The following PRDM5 variants were observed in gnomAD, a reference collection of about 807,000 sequenced individuals.
The protein encoded by PRDM5 is PR/SET domain 5, also known as PR domain zinc finger protein 5.
A neutral mutation model predicts 81.2 loss-of-function variants in PRDM5; 56 were observed. That is an observed-to-expected ratio of 0.69 (90% CI 0.56 to 0.86). The LOEUF is 0.86. Ranked by LOEUF, PRDM5 falls within the 40% of genes least tolerant of loss-of-function variation. The probability of loss-of-function intolerance (pLI) is 0.00; values close to 1 mark genes in which losing one functional copy is unlikely to be tolerated. For synonymous variants in PRDM5, 267 were observed against 256.4 expected (o/e 1.04, Z -0.39); for missense variants, 697 against 770.1 (o/e 0.91, Z 1.12).
intron 13 of PRDM5, among the ~76,000 whole-genome samples, chr4:120,773,187 A>G (rs1356301904): frequency 6.6e-6 from 1 of 152,202 alleles, no homozygotes. Flanking sequence ...TCATTTTTAT[A>G]TGAAACAAAA....
intron 15 of PRDM5, 89 bp downstream of exon 15, chr4:120,710,220 G>GACACAC (rs1553945560): frequency 2.0e-6 from 2 of 981,718 alleles, no homozygotes; most frequent in Non-Finnish European, 3.1e-6. Context: ...CACACACACA[G>GACACAC]ACACACACAC....
intron 12 of PRDM5, among the ~76,000 whole-genome samples, chr4:120,779,753 A>G (rs1748737498): frequency 6.6e-6 from 1 of 152,028 alleles, no homozygotes. Flanking sequence ...AATACAAAAA[A>G]TTAGCCAGGC....
chr4:120,809,337 A>G (rs1753501090), intron 8 of PRDM5, among the ~76,000 whole-genome samples: 1 of 152,260 alleles, frequency 6.6e-6, no homozygotes, highest in South Asian at 2.1e-4. Context: ...GCCCATGTAT[A>G]CCTATGTAAC....
intron 2 of PRDM5, among the ~76,000 whole-genome samples, chr4:120,885,144 A>AGT (rs1208658613): frequency 6.9e-6 from 1 of 145,326 alleles, no homozygotes; most frequent in African/African-American, 2.7e-5. Context: ...CAAAAAAAAA[A>AGT]AAAAAAAAAA....
At chr4:120,914,271 A>G (rs1410055998) in intron 1 of PRDM5, among the ~76,000 whole-genome samples, 6 of 152,022 alleles carry the variant, frequency 3.9e-5, no homozygotes, top group Non-Finnish European at 8.8e-5. Flanking sequence ...AAAGAAAGAG[A>G]TAAGAATCAA....
At chr4:120,701,421 G>A (rs1011824928) in intron 15 of PRDM5, among the ~76,000 whole-genome samples, 1 of 152,108 alleles carries the variant, frequency 6.6e-6, no homozygotes, top group South Asian at 2.1e-4. Flanking sequence ...CAGAGACATG[G>A]AATCAACCTA....
intron 10 of PRDM5, among the ~76,000 whole-genome samples, chr4:120,790,635 A>T (rs2149262871): frequency 6.6e-6 from 1 of 152,342 alleles, no homozygotes; most frequent in Non-Finnish European, 1.5e-5. Flanking sequence ...GTCCTATGAA[A>T]AAAATCACGT....
Position 120,811,405 on chromosome 4 carries a change from A to C in PRDM5, c.910T>G (p.Cys304Gly), listed in dbSNP as rs192586435. The stretch of plus-strand genomic sequence containing the variant: ...TCCTGTAGGCTTGATGCTGAAGAAC[A>C]CTTTTTATTGCACACTGAACATATA... ...KLICSVCNKK[C>G]SSASSLQEHR... The change falls in exon 8 of 16, where the codon TGT becomes GGT. Residue 304 changes from cysteine to glycine, a missense_variant. Around this residue, in one of 3 missense-constraint regions of PRDM5, gnomAD observed 577 missense variants for 606.7 expected, o/e 0.95. Coordinates refer to ENST00000264808, the MANE Select transcript of PRDM5 (RefSeq NM_018699.4). 1.1e-5 allele frequency: 18 copies of C among 1,602,974 alleles called. No homozygotes were observed. In the South Asian group the frequency reaches 2.0e-4, roughly 18 times the overall value.
At chr4:120,914,285 CA>C (rs372039697) in intron 1 of PRDM5, among the ~76,000 whole-genome samples, 3,725 of 148,420 alleles carry the variant, frequency 0.025, 162 homozygotes, top group African/African-American at 0.085. Context: ...GAATCAAATT[CA>C]AAAAAAAATC....
intron 14 of PRDM5, among the ~76,000 whole-genome samples, chr4:120,713,331 C>G (rs2941873): frequency 0.99 from 150,802 of 152,258 alleles, 74,698 homozygotes; most frequent in East Asian, 1. Flanking sequence ...TATGCATGGG[C>G]AGTGACTTTT....
At chr4:120,753,242 G>A (rs1744259513) in intron 14 of PRDM5, among the ~76,000 whole-genome samples, 1 of 152,068 alleles carries the variant, frequency 6.6e-6, no homozygotes, top group Middle Eastern at 3.2e-3. Context: ...CTAATCTCAA[G>A]CTAATTTAAA....
chr4:120,787,081 T>C (rs901516049), intron 10 of PRDM5, among the ~76,000 whole-genome samples: 1 of 152,114 alleles, frequency 6.6e-6, no homozygotes, highest in Non-Finnish European at 1.5e-5. Flanking sequence ...AAGGGATAAA[T>C]GTGATGGAGA....
At chr4:120,774,046 C>T (rs1393331627) in intron 13 of PRDM5, among the ~76,000 whole-genome samples, 1 of 152,112 alleles carries the variant, frequency 6.6e-6, no homozygotes, top group African/African-American at 2.4e-5. Context: ...ATATGGTAAA[C>T]AGCTTTAATT....
intron 15 of PRDM5, among the ~76,000 whole-genome samples, chr4:120,701,909 T>C (rs1008353090): frequency 5.3e-5 from 8 of 152,194 alleles, no homozygotes; most frequent in Non-Finnish European, 8.8e-5. Flanking sequence ...AATATACATC[T>C]CTTCACTCTG....
At chr4:120,702,780 A>G (rs1735573013) in intron 15 of PRDM5, among the ~76,000 whole-genome samples, 1 of 152,348 alleles carries the variant, frequency 6.6e-6, no homozygotes, top group African/African-American at 2.4e-5. Context: ...ATCATAAAGA[A>G]GATCGATTTA....
At chr4:120,716,145 C>A (rs1245133639) in intron 14 of PRDM5, among the ~76,000 whole-genome samples, 1 of 152,172 alleles carries the variant, frequency 6.6e-6, no homozygotes, top group Non-Finnish European at 1.5e-5. Context: ...ATTATCCACT[C>A]ACATACTGAT....
chr4:120,866,089 C>G (rs1049611440), intron 2 of PRDM5, among the ~76,000 whole-genome samples: 4 of 152,162 alleles, frequency 2.6e-5, no homozygotes. Context: ...ATTCTTCCAC[C>G]TCCTCATACC....
chr4:120,816,637 A>C, intron 6 of PRDM5, 63 bp from the exon 7 acceptor site: 1 of 1,606,656 alleles, frequency 6.2e-7, no homozygotes. Context: ...CAAAACTCAA[A>C]CATCAGCAAG....
chr4:120,702,585 T>G (rs1735545275), intron 15 of PRDM5, among the ~76,000 whole-genome samples: 1 of 152,166 alleles, frequency 6.6e-6, no homozygotes, highest in Admixed American at 6.6e-5. Context: ...AAAAATTTCT[T>G]GAATTAAAGG....
Sources: allele counts gnomAD v4.1 joint callset (sites outside exome capture counted in the v4.1 genomes callset), GRCh38; gene constraint gnomAD v4.1.1; regional missense constraint gnomAD v4.1.1; transcripts MANE v1.5; gene names NCBI Gene and HGNC (gene_info 2026-07-23, HGNC 2026-07-21).